The following EDEM1 variants were observed in gnomAD, a reference collection of about 807,000 sequenced individuals.
EDEM1 encodes the protein ER degradation-enhancing alpha-mannosidase-like protein 1.
EDEM1 carries 67 observed loss-of-function variants against 74.4 expected under a neutral mutation model. The observed-to-expected ratio is 0.90, with a 90% CI of 0.74 to 1.10. The LOEUF (loss-of-function observed/expected upper bound fraction) is 1.10, where lower values mean the gene tolerates loss of function less well. EDEM1 is among the 50% of genes least tolerant of loss of function. EDEM1 has a pLI of 0.00. For synonymous variants in EDEM1, 382 were observed against 335.9 expected (o/e 1.14, Z -1.50); for missense variants, 926 against 851.6 (o/e 1.09, Z -1.09).
At chr3:5,190,704 G>A (rs999728161) in intron 1 of EDEM1, among the ~76,000 whole-genome samples, 5 of 152,176 alleles carry the variant, frequency 3.3e-5, no homozygotes, top group Non-Finnish European at 7.3e-5. Flanking sequence ...GGGAAGGGTT[G>A]TGCCCTGAGC....
chr3:5,187,859 T>C lies in EDEM1; in HGVS notation c.54T>C (p.His18=), dbSNP rs2054843528. ...LGLVLLRLGL[H]GVLWLVFGLG... ...TGGTGCTCCTCCGGCTTGGCCTCCA[T>C]GGAGTATTGTGGCTCGTCTTCGGGC... Residue 18 remains histidine (H), a synonymous_variant, in exon 1 of 12, where the codon CAT becomes CAC. Coordinates refer to ENST00000256497, the MANE Select transcript of EDEM1 (RefSeq NM_014674.3). The C allele has an allele frequency of 1.9e-6, 3 of 1,597,138 alleles. No homozygotes were observed. Among genetic ancestry groups the C allele is most frequent in the Non-Finnish European group, 1.7e-6 (2 of 1,173,134 alleles).
At chr3:5,196,759 G>GC (rs1559294721) in intron 2 of EDEM1, among the ~76,000 whole-genome samples, 1 of 152,040 alleles carries the variant, frequency 6.6e-6, no homozygotes, top group East Asian at 1.9e-4. Flanking sequence ...ATCAAAATGT[G>GC]CCCAGACAAG....
chr3:5,217,026 T>A lies in EDEM1; in HGVS notation c.*1108T>A, dbSNP rs575799701. 7 of 152,662 alleles carry A rather than the reference T, an allele frequency of 4.6e-5. No individual in the cohort carries two copies. The highest frequency in any genetic ancestry group is 8.8e-5 in the Non-Finnish European group (6 of 68,040). The allele number at this position is 152,662 out of a possible 1,614,324, so 9.5% of individuals were successfully genotyped here. ...TCTCTGTGTAATACAGGCTTTAGAT[T>A]AGTGCCTTATATTGGTTTTGGTTTG... On this transcript the variant is annotated 3_prime_UTR_variant, in exon 12 of 12. Transcript: ENST00000256497.
Position 5,218,252 on chromosome 3 carries a change from T to A in EDEM1, c.*2334T>A, listed in dbSNP as rs1471408464. 1 of 152,148 alleles carries A rather than the reference T, an allele frequency of 6.6e-6. No individual in the cohort carries two copies. 9.4% of individuals were successfully genotyped at this position (152,148 alleles called of 1,614,324 possible). A position where few individuals can be genotyped will look rare whatever the true frequency, so the allele number is the denominator to read the frequency against. On this transcript the variant is annotated 3_prime_UTR_variant, in exon 12 of 12. Transcript: ENST00000256497. ...GTTAGTACATATTAATCCTGGTTGT[T>A]GAGCTTCCAGACTACCCCGTCCAAA...
chr3:5,215,221 C>T (rs750244835), intron 11 of EDEM1, among the ~76,000 whole-genome samples: 7 of 147,190 alleles, frequency 4.8e-5, no homozygotes, highest in Non-Finnish European at 8.9e-5. Flanking sequence ...TGTATTTAGA[C>T]AACTGCTTCC....
At chr3:5,198,036 G>A (rs2054990609) in intron 2 of EDEM1, among the ~76,000 whole-genome samples, 1 of 151,840 alleles carries the variant, frequency 6.6e-6, no homozygotes, top group South Asian at 2.1e-4. Context: ...AAGACAAATG[G>A]TTACATTTTT....
chr3:5,209,421 T>C (rs889383457), intron 8 of EDEM1, among the ~76,000 whole-genome samples: 2 of 152,312 alleles, frequency 1.3e-5, no homozygotes, highest in South Asian at 4.1e-4. Context: ...GCTTCTTTCA[T>C]GTTTTCCGTT....
At chr3:5,200,779 C>T (rs576321983) in intron 3 of EDEM1, among the ~76,000 whole-genome samples, 57 of 152,024 alleles carry the variant, frequency 3.7e-4, no homozygotes, top group Non-Finnish European at 6.0e-4. Flanking sequence ...TTCACCTTGC[C>T]TCTTTACCAG....
chr3:5,198,848 A>T (rs1415062964), intron 2 of EDEM1, among the ~76,000 whole-genome samples: 1 of 152,118 alleles, frequency 6.6e-6, no homozygotes, highest in Non-Finnish European at 1.5e-5. Context: ...CAGGGTTGTC[A>T]TAAAATTTAG....
chr3:5,198,848 A>G (rs1415062964), intron 2 of EDEM1, among the ~76,000 whole-genome samples: 1 of 152,118 alleles, frequency 6.6e-6, no homozygotes, highest in East Asian at 1.9e-4. Context: ...CAGGGTTGTC[A>G]TAAAATTTAG....
At position 5,199,681 on chromosome 3, in the gene EDEM1, T is replaced by A; in HGVS notation, c.672T>A (p.Phe224Leu). 1 of 1,613,152 alleles carries A rather than the reference T, an allele frequency of 6.2e-7. No homozygotes were observed. Among genetic ancestry groups the A allele is most frequent in the Non-Finnish European group, 8.5e-7 (1 of 1,179,434 alleles). The change falls in exon 3 of 12, where the codon TTT becomes TTA. Residue 224 changes from phenylalanine (F) to leucine (L), a missense_variant. By Grantham distance (22) the Phe-to-Leu change is conservative. Coordinates refer to ENST00000256497, the MANE Select transcript of EDEM1 (RefSeq NM_014674.3). ...ACAAAGATTCCACCGTCCAAGTCTT[T>A]GAGGCCACGATAAGGTAAAATAATG... is the stretch of plus-strand genomic sequence containing the variant. The part of the protein sequence containing the change: ...SFDKDSTVQV[F>L]EATIRVLGSL...
At chr3:5,188,704 G>A (rs961700933) in intron 1 of EDEM1, among the ~76,000 whole-genome samples, 2 of 152,160 alleles carry the variant, frequency 1.3e-5, no homozygotes, top group Non-Finnish European at 2.9e-5. Flanking sequence ...TCTCCATCAT[G>A]CCCCCCGTGT....
chr3:5,190,989 A>C (rs997769533), intron 1 of EDEM1, among the ~76,000 whole-genome samples: 6 of 152,152 alleles, frequency 3.9e-5, no homozygotes, highest in African/African-American at 1.2e-4. Context: ...ATCATGGAAA[A>C]TTGGGTATCC....
Position 5,210,221 on chromosome 3 carries a change from A to C in EDEM1, c.1556A>C (p.Gln519Pro). The change falls in exon 9 of 12, where the codon CAG becomes CCG. Residue 519 changes from glutamine to proline, a missense_variant. Coordinates refer to ENST00000256497, the MANE Select transcript of EDEM1 (RefSeq NM_014674.3). ...FYLHVGMDIL[Q>P]SLEKYTKVKC... ...CTCCATGTAGGAATGGATATTCTGC[A>C]GAGTCTGGAAAAGTACACAAAAGTC... is the stretch of plus-strand genomic sequence containing the variant. 6.2e-7 allele frequency: 1 copy of C among 1,614,262 alleles called. No individual in the cohort carries two copies. Among genetic ancestry groups the C allele is most frequent in the South Asian group, 1.1e-5 (1 of 91,090 alleles).
chr3:5,188,484 C>T (rs1199119501), intron 1 of EDEM1, 170 bp downstream of exon 1: 2 of 715,104 alleles, frequency 2.8e-6, no homozygotes, highest in Non-Finnish European at 3.9e-6. Context: ...GACCCCCGAG[C>T]TTGAGGGTGC....
At chr3:5,205,043 C>T in intron 5 of EDEM1, 24 bp from the exon 6 acceptor site, 1 of 1,611,680 alleles carries the variant, frequency 6.2e-7, no homozygotes, top group South Asian at 1.1e-5. Context: ...GCTGGGACCT[C>T]AAGTGCCTTG....
At chr3:5,208,382 T>C (rs1343055183) in intron 8 of EDEM1, 119 bp downstream of exon 8, 1 of 1,209,330 alleles carries the variant, frequency 8.3e-7, no homozygotes, top group African/African-American at 1.5e-5. Flanking sequence ...TGACTCTGAT[T>C]GAGTTACCCC....
At chr3:5,207,107 C>A in intron 6 of EDEM1, 46 bp from the exon 7 acceptor site, 1 of 1,608,722 alleles carries the variant, frequency 6.2e-7, no homozygotes, top group South Asian at 1.1e-5. Flanking sequence ...AGAGATCTGT[C>A]AGTGAGCTTT....
Position 5,188,133 on chromosome 3 carries a change from G to A in EDEM1, c.328G>A (p.Gly110Ser). The change falls in exon 1 of 12, where the codon GGC (glycine) becomes AGC (serine). Residue 110 changes from glycine to serine, a missense_variant. Physicochemically the swap from Gly to Ser is moderately conservative, Grantham distance 56 (BLOSUM62 0). Transcript: ENST00000256497. ...CTACGTGCTGGGCGGCCGGGGCCGC[G>A]GCCCGGACGAGTACGAGAAGCGCTA... ...WGYVLGGRGR[G>S]PDEYEKRYSG... 6.5e-7 allele frequency: 1 copy of A among 1,529,782 alleles called. No individual in the cohort carries two copies. Among genetic ancestry groups the A allele is most frequent in the Non-Finnish European group, 8.8e-7 (1 of 1,138,022 alleles). The allele number at this position is 1,529,782 out of a possible 1,614,324, so 94.8% of individuals were successfully genotyped here.
Sources: allele counts gnomAD v4.1 joint callset (sites outside exome capture counted in the v4.1 genomes callset), GRCh38; gene constraint gnomAD v4.1.1; transcripts MANE v1.5; gene names NCBI Gene and HGNC (gene_info 2026-07-23, HGNC 2026-07-21).